KIF26B: variants seen among roughly 807,000 people sequenced by gnomAD.
KIF26B encodes kinesin family member 26B.
KIF26B carries 63 observed loss-of-function variants against 151.2 expected under a neutral mutation model. That is an observed-to-expected ratio of 0.42 (90% CI 0.34 to 0.51). The LOEUF is 0.51. KIF26B is among the 20% of genes least tolerant of loss of function. The pLI is 0.07. For synonymous variants in KIF26B, 1,357 were observed against 1,262.1 expected (o/e 1.08, Z -1.59); for missense variants, 2,813 against 2,913.6 (o/e 0.97, Z 0.79).
intron 2 of KIF26B, among the ~76,000 whole-genome samples, chr1:245,258,879 C>T (rs529913320): frequency 5.3e-5 from 8 of 152,162 alleles, no homozygotes; most frequent in East Asian, 1.9e-4. Flanking sequence ...ATCTCCGCTC[C>T]GGTTTTCCCA....
chr1:245,481,107 C>T (rs1660160455), intron 4 of KIF26B, among the ~76,000 whole-genome samples: 1 of 151,854 alleles, frequency 6.6e-6, no homozygotes, highest in South Asian at 2.1e-4. Flanking sequence ...ATTTAAAATG[C>T]CACCTATAAG....
chr1:245,513,209 C>T (rs1392434003), intron 4 of KIF26B, among the ~76,000 whole-genome samples: 21 of 2,294 alleles, frequency 9.2e-3, no homozygotes, highest in Admixed American at 0.045. Context: ...CCAACCTGCA[C>T]CCCCCCCCAA....
In KIF26B at chr1:245,156,210, C is replaced by G. The variant is rs1188140511; in HGVS notation, c.64-72C>G. On this transcript the variant is annotated intron_variant, in intron 1 of 14. Coordinates refer to ENST00000407071, the MANE Select transcript of KIF26B (RefSeq NM_018012.4). Reference sequence around the variant, plus strand: ...GTTCGAGCGGGTACTTGGTGGCGCACGTATGACCCAGCTCCTGGGCGCTGC... The same window carrying G: ...GTTCGAGCGGGTACTTGGTGGCGCAGGTATGACCCAGCTCCTGGGCGCTGC... 5 of 1,503,950 alleles carry G rather than the reference C, an allele frequency of 3.3e-6. No homozygotes were observed. The Admixed American group carries it at 8.7e-5, about 26-fold the overall frequency. 93.2% of individuals were successfully genotyped at this position (1,503,950 alleles called of 1,614,324 possible). A position where few individuals can be genotyped will look rare whatever the true frequency, so the allele number is the denominator to read the frequency against.
chr1:245,508,677 A>C (rs565849146), intron 4 of KIF26B, among the ~76,000 whole-genome samples: 13 of 152,272 alleles, frequency 8.5e-5, no homozygotes, highest in Admixed American at 5.2e-4. Context: ...GTTCTCCAGA[A>C]GAGTGAGTGT....
chr1:245,238,298 T>C (rs1018508611), intron 2 of KIF26B, among the ~76,000 whole-genome samples: 4 of 152,156 alleles, frequency 2.6e-5, no homozygotes, highest in African/African-American at 9.7e-5. Flanking sequence ...ATCGCACCAC[T>C]GTGCTCCAGC....
At chr1:245,372,230 C>G (rs1050396060) in intron 3 of KIF26B, among the ~76,000 whole-genome samples, 1 of 152,126 alleles carries the variant, frequency 6.6e-6, no homozygotes, top group Non-Finnish European at 1.5e-5. Flanking sequence ...GTTGCATGCT[C>G]CTTATGAGAA....
At chr1:245,208,006 G>C (rs573185460) in intron 2 of KIF26B, among the ~76,000 whole-genome samples, 2 of 152,304 alleles carry the variant, frequency 1.3e-5, no homozygotes, top group East Asian at 3.9e-4. Context: ...CTGTGTGCCC[G>C]AGCCCTACCT....
intron 2 of KIF26B, among the ~76,000 whole-genome samples, chr1:245,190,886 A>C (rs1479593324): frequency 7.4e-5 from 11 of 148,912 alleles, no homozygotes; most frequent in Non-Finnish European, 1.5e-4. Context: ...ATGGTGAAAC[A>C]CCATCTCTAC....
chr1:245,329,482 G>A (rs948314941), intron 2 of KIF26B, among the ~76,000 whole-genome samples: 3 of 152,228 alleles, frequency 2.0e-5, no homozygotes, highest in African/African-American at 7.2e-5. Context: ...AGGCAGATGA[G>A]GCCCCAGGAA....
rs111230306 is a variant in KIF26B, at chr1:245,686,352, G to A, written c.3369G>A (p.Glu1123=). 1.8e-4 allele frequency: 291 copies of A among 1,613,298 alleles called. 5 individuals are homozygous for A. In the African/African-American group the frequency reaches 2.6e-3, roughly 14 times the overall value. The change falls in exon 12 of 15, where the codon GAG becomes GAA. Residue 1123 remains glutamate, a synonymous_variant. Coordinates refer to ENST00000407071, the MANE Select transcript of KIF26B (RefSeq NM_018012.4). The surrounding 1 kb of genome is among the most constrained non-coding windows in gnomAD (Gnocchi z 5.6). ...CTAGGGAGTCCTTGCTGCAGCCCGA[G>A]GTGCGTACGCCCCCGGTTGGAATGA... ...VASRESLLQP[E]VRTPPVGMSP...
At chr1:245,383,761 T>C (rs912722115) in intron 3 of KIF26B, among the ~76,000 whole-genome samples, 22 of 152,134 alleles carry the variant, frequency 1.4e-4, no homozygotes, top group Non-Finnish European at 2.6e-4. Context: ...GGATGAACGG[T>C]GGTTGCTGGT....
intron 3 of KIF26B, among the ~76,000 whole-genome samples, chr1:245,391,859 A>G (rs1430517709): frequency 2.0e-5 from 3 of 152,250 alleles, no homozygotes; most frequent in Middle Eastern, 3.4e-3. Flanking sequence ...ATCAATAGGT[A>G]TATAGTGTAT....
intron 9 of KIF26B, among the ~76,000 whole-genome samples, chr1:245,620,691 G>C (rs749165238): frequency 2.0e-5 from 3 of 152,054 alleles, no homozygotes; most frequent in Admixed American, 6.5e-5. Flanking sequence ...TGTGAGCCAT[G>C]GTACCCGTCC....
intron 3 of KIF26B, among the ~76,000 whole-genome samples, chr1:245,387,148 TTTTTTG>T (rs1232761799): frequency 1.1e-5 from 1 of 88,836 alleles, no homozygotes; most frequent in African/African-American, 5.2e-5. Context: ...ACCTAGGTTT[TTTTTTG>T]TTTTTTGTTT....
At chr1:245,369,722 T>C (rs2103011612) in intron 3 of KIF26B, among the ~76,000 whole-genome samples, 1 of 152,328 alleles carries the variant, frequency 6.6e-6, no homozygotes, top group South Asian at 2.1e-4. Context: ...CCGCGGTTTC[T>C]TCCAACTTTC....
chr1:245,573,026 C>G (rs563973537), intron 5 of KIF26B, among the ~76,000 whole-genome samples: 1 of 152,238 alleles, frequency 6.6e-6, no homozygotes, highest in East Asian at 1.9e-4. Flanking sequence ...AGAATAAAAC[C>G]TTTCTTGTCC....
intron 4 of KIF26B, among the ~76,000 whole-genome samples, chr1:245,473,940 G>T (rs569652451): frequency 6.6e-6 from 1 of 151,680 alleles, no homozygotes; most frequent in South Asian, 2.1e-4. Context: ...AATTTAATAC[G>T]TTCATATCAT....
At chr1:245,202,633 G>A (rs918855473) in intron 2 of KIF26B, among the ~76,000 whole-genome samples, 2 of 151,944 alleles carry the variant, frequency 1.3e-5, no homozygotes, top group South Asian at 4.2e-4. Context: ...GGTGGCGGGC[G>A]CCTGTAGTCC....
intron 2 of KIF26B, among the ~76,000 whole-genome samples, chr1:245,172,009 C>T (rs1240507432): frequency 6.6e-6 from 1 of 152,250 alleles, no homozygotes; most frequent in Non-Finnish European, 1.5e-5. Flanking sequence ...AGACAGCGAC[C>T]TCCTGACTCC....
Sources: gnomAD v4.1 joint callset for allele counts (sites outside exome capture counted in the v4.1 genomes callset) on GRCh38, gnomAD v4.1.1 for gene constraint, Gnocchi (gnomAD v3.1) non-coding constraint, MANE v1.5 for transcripts, NCBI Gene and HGNC (gene_info 2026-07-23, HGNC 2026-07-21) for gene names.